SPOCK3: variants seen among roughly 807,000 people sequenced by gnomAD.
SPOCK3 encodes the protein SPARC (osteonectin), cwcv and kazal like domains proteoglycan 3, also known as testican-3.
In SPOCK3, 30 loss-of-function variants were observed where a neutral mutation model predicts 56.6. That is an observed-to-expected ratio of 0.53 (90% CI 0.40 to 0.72). The LOEUF is 0.72. Among genes scored for constraint, SPOCK3 ranks in the 30% least tolerant of loss-of-function variants. The pLI is 0.00. For missense variants in SPOCK3, 527 were observed against 530.0 expected, an observed-to-expected ratio of 0.99 and a Z score of 0.06; for synonymous variants, 196 against 183.3, an observed-to-expected ratio of 1.07 and a Z score of -0.56.
chr4:167,234,177 G>C lies in SPOCK3; in HGVS notation c.1-4C>G. On this transcript the variant is annotated splice_region_variant and splice_polypyrimidine_tract_variant and intron_variant, in intron 1 of 10. Coordinates refer to ENST00000357545, the MANE Select transcript of SPOCK3 (RefSeq NM_001040159.2). ...GTACGGCTGACACCTTGAGCATCTG[G>C]GAGAGGAGACACAACGGGGGGTGGG... The C allele has an allele frequency of 6.2e-7, 1 of 1,613,240 alleles. No individual in the cohort carries two copies. Among genetic ancestry groups the C allele is most frequent in the African/African-American group, 1.3e-5 (1 of 74,980 alleles).
chr4:166,752,835 G>T (rs1373099519), intron 8 of SPOCK3, among the ~76,000 whole-genome samples: 1 of 151,786 alleles, frequency 6.6e-6, no homozygotes, highest in Non-Finnish European at 1.5e-5. Context: ...ATGAAATGTT[G>T]GCTAAGAGTT....
At chr4:167,206,826 C>T (rs1311172774) in intron 2 of SPOCK3, among the ~76,000 whole-genome samples, 2 of 151,542 alleles carry the variant, frequency 1.3e-5, no homozygotes, top group Admixed American at 1.3e-4. Flanking sequence ...ACTAAGAGGC[C>T]AGCTGCCAAT....
rs761001384 is a variant in SPOCK3 at position 167,080,751 on chromosome 4, TTA to T, written c.190-18216_190-18215del. ...ATAGAAAAATAAATGGCATGTTAGA[TTA>T]TCTCTTGCAAGGAGGCTGGGAGGAG... is the stretch of plus-strand genomic sequence containing the variant. On this transcript the variant is annotated intron_variant, in intron 2 of 10. Coordinates refer to ENST00000357545, the MANE Select transcript of SPOCK3 (RefSeq NM_001040159.2). Among the ~76,000 whole-genome samples, 80 of 152,086 alleles carry T rather than the reference TTA, an allele frequency of 5.3e-4. 1 individual carries two copies. Among genetic ancestry groups the T allele is most frequent in the Non-Finnish European group, 8.2e-4 (56 of 67,950 alleles).
At chr4:167,116,589 T>C (rs909413659) in intron 2 of SPOCK3, among the ~76,000 whole-genome samples, 1 of 138,612 alleles carries the variant, frequency 7.2e-6, no homozygotes, top group Non-Finnish European at 1.5e-5. Context: ...TAGTTTTGTA[T>C]ATATATACAT....
intron 2 of SPOCK3, among the ~76,000 whole-genome samples, chr4:167,183,359 A>AT (rs1356782908): frequency 1.3e-5 from 2 of 152,284 alleles, no homozygotes; most frequent in East Asian, 1.9e-4. Flanking sequence ...TACTTAAAAG[A>AT]TTTTTTTCAT....
chr4:167,204,817 T>C (rs1733871377), intron 2 of SPOCK3, among the ~76,000 whole-genome samples: 1 of 151,754 alleles, frequency 6.6e-6, no homozygotes, highest in African/African-American at 2.4e-5. Context: ...TTTGTCCTAA[T>C]GAAAATCATA....
At chr4:167,124,393 C>T (rs962867077) in intron 2 of SPOCK3, among the ~76,000 whole-genome samples, 2 of 152,126 alleles carry the variant, frequency 1.3e-5, no homozygotes, top group Non-Finnish European at 2.9e-5. Context: ...ATGTCTAAAA[C>T]CCCTCTTATT....
At chr4:167,043,756 T>C (rs1299822639) in intron 3 of SPOCK3, among the ~76,000 whole-genome samples, 1 of 152,016 alleles carries the variant, frequency 6.6e-6, no homozygotes, top group Non-Finnish European at 1.5e-5. Flanking sequence ...TGAATTATAT[T>C]GAGCCAGCCT....
chr4:167,123,938 G>C (rs575382532), intron 2 of SPOCK3, among the ~76,000 whole-genome samples: 1 of 151,686 alleles, frequency 6.6e-6, no homozygotes, highest in African/African-American at 2.4e-5. Context: ...GTACAGACAG[G>C]GTTTCACCAT....
Position 167,108,992 on chromosome 4 carries a change from T to TA in SPOCK3, c.190-46456_190-46455insT, listed in dbSNP as rs1760465984. ...ATATATAAATATTATAAATATATAT[T>TA]TATATATATATAAATATATACTTAT... On this transcript the variant is annotated intron_variant, in intron 2 of 10. Coordinates refer to ENST00000357545, the MANE Select transcript of SPOCK3 (RefSeq NM_001040159.2). Among the ~76,000 whole-genome samples the TA allele has an allele frequency of 3.4e-4, 3 of 8,698 alleles. 1 individual carries two copies. Among genetic ancestry groups the TA allele is most frequent in the Non-Finnish European group, 5.6e-4 (3 of 5,382 alleles). The allele number at this position is 8,698 out of a possible 152,430, so 5.7% of individuals were successfully genotyped here. A position where few individuals can be genotyped will look rare whatever the true frequency, so the allele number is the denominator to read the frequency against.
intron 2 of SPOCK3, among the ~76,000 whole-genome samples, chr4:167,116,132 T>C (rs138995447): frequency 2.6e-4 from 39 of 152,004 alleles, no homozygotes; most frequent in Admixed American, 7.2e-4. Flanking sequence ...GACTTATGCA[T>C]GCTCTATGTC....
intron 6 of SPOCK3, among the ~76,000 whole-genome samples, chr4:166,839,783 A>T (rs1360534941): frequency 3.9e-5 from 6 of 152,162 alleles, no homozygotes. Context: ...TGCACAGTTT[A>T]ATTTTAGCTA....
chr4:167,184,869 A>G (rs2110791004), intron 2 of SPOCK3, among the ~76,000 whole-genome samples: 1 of 152,300 alleles, frequency 6.6e-6, no homozygotes, highest in African/African-American at 2.4e-5. Flanking sequence ...GGTGTTGAAG[A>G]GTGAGCTGGG....
intron 2 of SPOCK3, among the ~76,000 whole-genome samples, chr4:167,155,666 T>C (rs1308958536): frequency 6.6e-6 from 1 of 152,142 alleles, no homozygotes; most frequent in Non-Finnish European, 1.5e-5. Flanking sequence ...GAGTATTAAA[T>C]GTGGACTTTG....
chr4:166,906,772 A>G (rs1579606040), intron 5 of SPOCK3, among the ~76,000 whole-genome samples: 1 of 151,958 alleles, frequency 6.6e-6, no homozygotes, highest in African/African-American at 2.4e-5. Flanking sequence ...TAGTGATTCA[A>G]ATAAAGGTAG....
intron 6 of SPOCK3, among the ~76,000 whole-genome samples, chr4:166,843,965 G>T (rs1308975685): frequency 6.6e-6 from 1 of 152,166 alleles, no homozygotes; most frequent in Non-Finnish European, 1.5e-5. Context: ...CATCATCCCA[G>T]ATTACGTTGC....
At chr4:166,817,045 C>G (rs897510122) in intron 6 of SPOCK3, among the ~76,000 whole-genome samples, 1 of 152,006 alleles carries the variant, frequency 6.6e-6, no homozygotes, top group African/African-American at 2.4e-5. Flanking sequence ...TGGCAGAAGG[C>G]CCAGACTCAA....
intron 2 of SPOCK3, among the ~76,000 whole-genome samples, chr4:167,224,025 A>G (rs1736342660): frequency 6.6e-6 from 1 of 152,118 alleles, no homozygotes; most frequent in African/African-American, 2.4e-5. Flanking sequence ...TAAAATACAG[A>G]CTATTTGTGG....
chr4:166,879,110 A>G (rs551315209), intron 6 of SPOCK3, among the ~76,000 whole-genome samples: 1 of 152,188 alleles, frequency 6.6e-6, no homozygotes, highest in Non-Finnish European at 1.5e-5. Flanking sequence ...AATTAAAAAA[A>G]ATATATATGC....
Sources: gnomAD v4.1 joint callset for allele counts (sites outside exome capture counted in the v4.1 genomes callset) on GRCh38, gnomAD v4.1.1 for gene constraint, MANE v1.5 for transcripts, NCBI Gene and HGNC (gene_info 2026-07-23, HGNC 2026-07-21) for gene names.